The following SRSF3 variants were observed in gnomAD, a reference collection of about 807,000 sequenced individuals.
The protein encoded by SRSF3 is serine/arginine-rich splicing factor 3.
For synonymous variants in SRSF3, 87 were observed against 73.6 expected, an observed-to-expected ratio of 1.18 and a Z score of -0.93; for missense variants, 58 against 217.1, an observed-to-expected ratio of 0.27 and a Z score of 4.61.
chr6:36,597,628 G>T (rs1778652769), intron 2 of SRSF3, among the ~76,000 whole-genome samples: 1 of 151,910 alleles, frequency 6.6e-6, no homozygotes. Context: ...CTCATATTTG[G>T]AAGTATAATG....
At chr6:36,601,266 T>C (rs896390430) in intron 4 of SRSF3, 76 bp downstream of exon 4, 1 of 1,482,404 alleles carries the variant, frequency 6.7e-7, no homozygotes, top group Non-Finnish European at 9.4e-7. Flanking sequence ...TCCAGGTGGC[T>C]TAGTTAATGG....
intron 2 of SRSF3, 96 bp downstream of exon 2, chr6:36,597,064 C>A: frequency 1.1e-6 from 1 of 904,296 alleles, no homozygotes; most frequent in Non-Finnish European, 1.8e-6. Flanking sequence ...TTCCCAATCA[C>A]TGGCCAATTG....
chr6:36,603,971 T>A lies in SRSF3; in HGVS notation c.*1982T>A, dbSNP rs550352111. 14 of 230,710 alleles carry A rather than the reference T, an allele frequency of 6.1e-5. No homozygotes were observed. Among genetic ancestry groups the A allele is most frequent in the South Asian group, 5.5e-4 (3 of 5,490 alleles). The allele number at this position is 230,710 out of a possible 1,614,324, so 14.3% of individuals were successfully genotyped here. On this transcript the variant is annotated 3_prime_UTR_variant, in exon 6 of 6. Transcript: ENST00000373715. ...TAAAAGTAACTTCACCAGGGAGTTA[T>A]CCTGACTTAGGTGACATACAGTCCC...
intron 3 of SRSF3, chr6:36,600,510 A>C (rs1778694264): frequency 6.1e-6 from 1 of 163,004 alleles, no homozygotes; most frequent in African/African-American, 2.4e-5. Flanking sequence ...TATCTCTAAC[A>C]GATTAGCTTT....
rs778276944 is a variant in SRSF3, at chr6:36,601,940, CTTTTT to C, written c.468-7_468-3del. 4.0e-5 allele frequency: 57 copies of C among 1,432,922 alleles called. No individual in the cohort carries two copies. The highest frequency in any genetic ancestry group is 1.2e-4 in the South Asian group (8 of 69,298). 88.8% of individuals were successfully genotyped at this position (1,432,922 alleles called of 1,614,324 possible). On this transcript the variant is annotated splice_polypyrimidine_tract_variant and intron_variant, in intron 5 of 5. Coordinates refer to ENST00000373715, the MANE Select transcript of SRSF3 (RefSeq NM_003017.5). The stretch of plus-strand genomic sequence containing the variant: ...AGTTACAGATGTAATGTTTTGTTTT[CTTTTT>C]TTTTTTTTTTTTTTAGTCGATCTAG...
At chr6:36,599,015 G>C (rs748880189) in intron 3 of SRSF3, 32 bp downstream of exon 3, 1 of 1,610,232 alleles carries the variant, frequency 6.2e-7, no homozygotes, top group African/African-American at 1.3e-5. Flanking sequence ...AAGAGGTATT[G>C]GTGTAATGGA....
intron 2 of SRSF3, 110 bp from the exon 3 acceptor site, chr6:36,598,739 C>A: frequency 7.8e-7 from 1 of 1,288,106 alleles, no homozygotes; most frequent in African/African-American, 1.5e-5. Flanking sequence ...TTAAATTGCA[C>A]AGACACTTAG....
chr6:36,597,495 C>A (rs375989156), intron 2 of SRSF3, among the ~76,000 whole-genome samples: 1 of 151,922 alleles, frequency 6.6e-6, no homozygotes, highest in East Asian at 1.9e-4. Flanking sequence ...TGTACCTTTA[C>A]TTTTATGTGT....
chr6:36,596,636 A>ATTTTTTT, intron 1 of SRSF3, 125 bp from the exon 2 acceptor site: 2 of 777,080 alleles, frequency 2.6e-6, no homozygotes, highest in Non-Finnish European at 4.0e-6. Context: ...CATTTTTGTA[A>ATTTTTTT]TTTTTTTTTC....
chr6:36,599,222 C>T (rs964879872), intron 3 of SRSF3, among the ~76,000 whole-genome samples: 2 of 152,170 alleles, frequency 1.3e-5, no homozygotes, highest in Non-Finnish European at 2.9e-5. Flanking sequence ...TCTAGTTCAT[C>T]TTTCTAGTTG....
At chr6:36,595,400 A>T (rs559361608) in intron 1 of SRSF3, among the ~76,000 whole-genome samples, 2 of 152,334 alleles carry the variant, frequency 1.3e-5, no homozygotes, top group Admixed American at 1.3e-4. Context: ...TATTTAGTAT[A>T]TTCAGTGTTG....
At chr6:36,595,262 A>G (rs1455838346) in intron 1 of SRSF3, among the ~76,000 whole-genome samples, 2 of 152,240 alleles carry the variant, frequency 1.3e-5, no homozygotes, top group African/African-American at 2.4e-5. Context: ...GTGACTCAGT[A>G]ATAAAGCTTT....
At chr6:36,595,427 A>T (rs1778610463) in intron 1 of SRSF3, among the ~76,000 whole-genome samples, 1 of 152,168 alleles carries the variant, frequency 6.6e-6, no homozygotes, top group Non-Finnish European at 1.5e-5. Flanking sequence ...CATCACTTAC[A>T]CGTAGTTCCA....
chr6:36,594,893 C>T (rs776803147), intron 1 of SRSF3: 19 of 152,166 alleles, frequency 1.2e-4, no homozygotes, highest in African/African-American at 4.6e-4. Flanking sequence ...CCCGTAGTCA[C>T]CTTACTTTCA....
rs1447900112 is a variant in SRSF3 at position 36,604,997 on chromosome 6, C to CT, written c.*3012dup. The CT allele has an allele frequency of 1.3e-5, 2 of 152,162 alleles. No individual in the cohort carries two copies. The highest frequency in any genetic ancestry group is 2.1e-4 in the South Asian group (1 of 4,832). 9.4% of individuals were successfully genotyped at this position (152,162 alleles called of 1,614,324 possible). On this transcript the variant is annotated 3_prime_UTR_variant, in exon 6 of 6. Transcript: ENST00000373715. ...AGATTGTTGCCTTCTGGTTTTCCATCTTTTCGAGAAAGATTTCTAGTTAAA... is the reference window on the plus strand; with the variant it reads ...AGATTGTTGCCTTCTGGTTTTCCATCTTTTTCGAGAAAGATTTCTAGTTAAA...
At chr6:36,598,798 C>T (rs9368943) in intron 2 of SRSF3, 51 bp from the exon 3 acceptor site, 355,146 of 1,596,814 alleles carry the variant, frequency 0.22, 41,701 homozygotes, top group East Asian at 0.44. Flanking sequence ...GGCTTTAATA[C>T]GCATGTCAGA....
intron 1 of SRSF3, among the ~76,000 whole-genome samples, chr6:36,595,156 C>T (rs565563249): frequency 3.3e-5 from 5 of 152,206 alleles, no homozygotes; most frequent in African/African-American, 9.6e-5. Context: ...GTAAGAAGAA[C>T]GTGGTGTTTA....
Position 36,602,056 on chromosome 6 carries a change from T to A in SRSF3, c.*67T>A. The A allele has an allele frequency of 6.4e-7, 1 of 1,559,238 alleles. No individual in the cohort carries two copies. The highest frequency in any genetic ancestry group is 1.2e-5 in the South Asian group (1 of 82,010). On this transcript the variant is annotated 3_prime_UTR_variant, in exon 6 of 6. Coordinates refer to ENST00000373715, the MANE Select transcript of SRSF3 (RefSeq NM_003017.5). ...ATTTGACAGGAGTATGTACAGAAAA[T>A]TCAAGTTTTGTTTGAGACTTCATAA... is the stretch of plus-strand genomic sequence containing the variant.
Position 36,597,109 on chromosome 6 carries a change from T to G in SRSF3, c.206+141T>G, listed in dbSNP as rs1312127671. The G allele has an allele frequency of 2.8e-5, 21 of 754,602 alleles. No homozygotes were observed. In the African/African-American group the frequency reaches 3.6e-4, roughly 13 times the overall value. 46.7% of individuals were successfully genotyped at this position (754,602 alleles called of 1,614,324 possible). A position where few individuals can be genotyped will look rare whatever the true frequency, so the allele number is the denominator to read the frequency against. On this transcript the variant is annotated intron_variant, in intron 2 of 5. Coordinates refer to ENST00000373715, the MANE Select transcript of SRSF3 (RefSeq NM_003017.5). The stretch of plus-strand genomic sequence containing the variant: ...ATACAATTGGGATCTTTTTTTTTTT[T>G]TTTTTTTTTGGTGGGGAGACGAGTC...
Sources: allele counts gnomAD v4.1 joint callset (sites outside exome capture counted in the v4.1 genomes callset), GRCh38; gene constraint gnomAD v4.1.1; transcripts MANE v1.5; gene names NCBI Gene and HGNC (gene_info 2026-07-23, HGNC 2026-07-21).